The following KIZ variants were observed in gnomAD, a reference collection of about 807,000 sequenced individuals.
KIZ encodes the protein kizuna centrosomal protein.
Under a neutral mutation model 79.6 loss-of-function variants are expected in KIZ, and 68 were observed. The observed-to-expected ratio is 0.85, with a 90% CI of 0.70 to 1.05. The LOEUF (loss-of-function observed/expected upper bound fraction) is 1.05. Among genes scored for constraint, KIZ ranks in the 50% least tolerant of loss-of-function variants. The pLI, the probability that KIZ is intolerant of heterozygous loss-of-function variation, is 0.00. For synonymous variants in KIZ, 280 were observed against 281.8 expected (o/e 0.99, Z 0.06); for missense variants, 797 against 800.4 (o/e 1.00, Z 0.05).
Position 21,126,176 on chromosome 20 carries a change from G to A in KIZ, c.61G>A (p.Gly21Ser). ...LSSPDYYERL[G>S]QLQHGLRDSE... ...GAGTCCCGACTACTACGAGAGGCTGGGCCAACTCCAGCACGGGCTGCGGGA... is the reference window on the plus strand; with the variant it reads ...GAGTCCCGACTACTACGAGAGGCTGAGCCAACTCCAGCACGGGCTGCGGGA... The change falls in exon 1 of 13, where the codon GGC (glycine) becomes AGC (serine). Residue 21 changes from glycine (G) to serine (S), a missense_variant. Physicochemically the swap from Gly to Ser is moderately conservative, Grantham distance 56. Transcript: ENST00000619189. 6.7e-7 allele frequency: 1 copy of A among 1,501,310 alleles called. No homozygotes were observed. The highest frequency in any genetic ancestry group is 8.9e-7 in the Non-Finnish European group (1 of 1,122,816). 93.0% of individuals were successfully genotyped at this position (1,501,310 alleles called of 1,614,324 possible).
chr20:21,180,161 A>T (rs997135799), intron 6 of KIZ, among the ~76,000 whole-genome samples: 1 of 150,022 alleles, frequency 6.7e-6, no homozygotes, highest in African/African-American at 2.4e-5. Flanking sequence ...GAAGTCTCCC[A>T]CCAGTATTAT....
chr20:21,246,497 A>T lies in KIZ; in HGVS notation c.1943A>T (p.Asp648Val). The T allele has an allele frequency of 6.2e-7, 1 of 1,608,050 alleles. No homozygotes were observed. Residue 648 changes from aspartate to valine, a missense_variant, in exon 13 of 13, where the codon GAT becomes GTT. Transcript: ENST00000619189. ...LKSNALWDES[D>V]DSNSEIEAAL... The stretch of plus-strand genomic sequence containing the variant: ...TTTCCAGCCCTCTGGGATGAGTCTG[A>T]TGACAGTAACTCAGAAATTGAGGCT...
rs2036870712 is a variant in KIZ, at chr20:21,232,625, C to T, written c.1784-109C>T. On this transcript the variant is annotated intron_variant, in intron 10 of 12. Coordinates refer to ENST00000619189, the MANE Select transcript of KIZ (RefSeq NM_018474.6). ...CCTTCTGTGGCTTGAACAGCATCTT[C>T]CTCTGTTGGCGTTTGTTTCACCAAA... 3 of 656,800 alleles carry T rather than the reference C, an allele frequency of 4.6e-6. No homozygotes were observed. In the Admixed American group the frequency reaches 6.6e-5, roughly 14 times the overall value. The allele number at this position is 656,800 out of a possible 1,614,324, so 40.7% of individuals were successfully genotyped here. A position where few individuals can be genotyped will look rare whatever the true frequency, so the allele number is the denominator to read the frequency against.
chr20:21,164,796 A>G (rs1401208108), intron 6 of KIZ, among the ~76,000 whole-genome samples: 1 of 151,982 alleles, frequency 6.6e-6, no homozygotes, highest in Non-Finnish European at 1.5e-5. Context: ...TTATTGGAAA[A>G]TATGGGCATG....
chr20:21,154,896 A>G (rs1410245829), intron 4 of KIZ, among the ~76,000 whole-genome samples: 1 of 152,236 alleles, frequency 6.6e-6, no homozygotes, highest in Non-Finnish European at 1.5e-5. Context: ...ATCTCAGCAA[A>G]TGGGAAACCT....
intron 9 of KIZ, among the ~76,000 whole-genome samples, chr20:21,224,329 T>G (rs994879931): frequency 1.3e-5 from 2 of 152,258 alleles, no homozygotes; most frequent in Non-Finnish European, 2.9e-5. Context: ...GGATTCTCAG[T>G]GATAATATTT....
intron 6 of KIZ, among the ~76,000 whole-genome samples, chr20:21,202,956 T>C (rs2035657488): frequency 6.6e-6 from 1 of 152,142 alleles, no homozygotes; most frequent in African/African-American, 2.4e-5. Context: ...TTTTCTTGAG[T>C]AGTTTAAAAC....
intron 4 of KIZ, among the ~76,000 whole-genome samples, chr20:21,161,130 T>C (rs1405250966): frequency 6.6e-6 from 1 of 152,240 alleles, no homozygotes; most frequent in African/African-American, 2.4e-5. Flanking sequence ...TTCATATATC[T>C]TCTTTGGAGA....
intron 6 of KIZ, among the ~76,000 whole-genome samples, chr20:21,173,645 A>C (rs762836960): frequency 6.0e-5 from 9 of 151,074 alleles, no homozygotes; most frequent in Non-Finnish European, 8.8e-5. Context: ...TTATAAGAGA[A>C]AGGGAGTAGA....
chr20:21,244,180 T>C (rs1312372961), intron 11 of KIZ, 65 bp from the exon 12 acceptor site: 2 of 1,138,308 alleles, frequency 1.8e-6, no homozygotes, highest in African/African-American at 3.1e-5. Flanking sequence ...AATGCGTTCA[T>C]TATGAAAATA....
intron 2 of KIZ, among the ~76,000 whole-genome samples, chr20:21,134,222 T>C (rs1340480748): frequency 7.2e-5 from 11 of 152,220 alleles, no homozygotes; most frequent in Admixed American, 6.5e-4. Flanking sequence ...CTTTTTAATT[T>C]ACATTATCAC....
At chr20:21,189,509 T>A (rs1255384365) in intron 6 of KIZ, among the ~76,000 whole-genome samples, 1 of 152,164 alleles carries the variant, frequency 6.6e-6, no homozygotes, top group Non-Finnish European at 1.5e-5. Flanking sequence ...TTAAAAATTC[T>A]CCCAAGCCTT....
chr20:21,190,390 A>G (rs756666438), intron 6 of KIZ, among the ~76,000 whole-genome samples: 15 of 152,244 alleles, frequency 9.9e-5, no homozygotes, highest in East Asian at 1.9e-4. Context: ...GCGCTAGCCA[A>G]TTGTTACACT....
At chr20:21,192,382 T>C (rs1193075268) in intron 6 of KIZ, among the ~76,000 whole-genome samples, 1 of 150,102 alleles carries the variant, frequency 6.7e-6, no homozygotes, top group Non-Finnish European at 1.5e-5. Flanking sequence ...ACTCCTGGGC[T>C]CTAGCGATCC....
intron 11 of KIZ, among the ~76,000 whole-genome samples, chr20:21,238,368 A>T (rs1263064356): frequency 3.8e-5 from 4 of 105,896 alleles, no homozygotes; most frequent in Admixed American, 9.3e-5. Context: ...TGTGTGTGTG[A>T]GAGGGTGTGA....
chr20:21,158,905 T>G (rs1425360459), intron 4 of KIZ, among the ~76,000 whole-genome samples: 1 of 152,106 alleles, frequency 6.6e-6, no homozygotes, highest in Non-Finnish European at 1.5e-5. Context: ...GCAGTTCTCC[T>G]GCCTCAGTCT....
At chr20:21,239,979 C>T (rs1569007499) in intron 11 of KIZ, among the ~76,000 whole-genome samples, 1 of 152,010 alleles carries the variant, frequency 6.6e-6, no homozygotes, top group African/African-American at 2.4e-5. Context: ...GTGATGAAGT[C>T]AGTACAGCAG....
intron 6 of KIZ, among the ~76,000 whole-genome samples, chr20:21,171,866 G>A (rs1250714094): frequency 6.6e-6 from 1 of 152,214 alleles, no homozygotes; most frequent in African/African-American, 2.4e-5. Flanking sequence ...ATCATTCTAG[G>A]CAGCTGTGCT....
chr20:21,128,172 C>T (rs944944036), intron 1 of KIZ, among the ~76,000 whole-genome samples: 5 of 152,118 alleles, frequency 3.3e-5, no homozygotes, highest in Non-Finnish European at 5.9e-5. Context: ...ACCACCAACC[C>T]CAGCTAATTT....
Sources: gnomAD v4.1 joint callset for allele counts (sites outside exome capture counted in the v4.1 genomes callset) on GRCh38, gnomAD v4.1.1 for gene constraint, MANE v1.5 for transcripts, NCBI Gene and HGNC (gene_info 2026-07-23, HGNC 2026-07-21) for gene names.